The following ATP5PF variants were observed in gnomAD, a reference collection of about 807,000 sequenced individuals.
ATP5PF encodes the protein ATP synthase peripheral stalk subunit F6, mitochondrial.
ATP5PF carries 7 observed loss-of-function variants against 12.0 expected under a neutral mutation model. The observed-to-expected ratio is 0.58, with a 90% CI of 0.33 to 1.10. The LOEUF (loss-of-function observed/expected upper bound fraction) is 1.10, where lower values mean the gene tolerates loss of function less well. ATP5PF is among the 50% of genes least tolerant of loss of function. The pLI is 0.03. For synonymous variants in ATP5PF, 41 were observed against 45.4 expected (o/e 0.90, Z 0.39); for missense variants, 120 against 127.7 (o/e 0.94, Z 0.29).
At chr21:25,728,611 T>A (rs2034677716) in intron 2 of ATP5PF, among the ~76,000 whole-genome samples, 1 of 152,196 alleles carries the variant, frequency 6.6e-6, no homozygotes, top group African/African-American at 2.4e-5. Context: ...AACTGTTTCA[T>A]GCTATAAGGA....
At chr21:25,733,921 C>T (rs2123462321) in intron 1 of ATP5PF, among the ~76,000 whole-genome samples, 1 of 152,280 alleles carries the variant, frequency 6.6e-6, no homozygotes, top group South Asian at 2.1e-4. Flanking sequence ...CATGTAAGTG[C>T]CTATGATTCC....
chr21:25,732,937 G>T (rs60361835), intron 1 of ATP5PF, among the ~76,000 whole-genome samples: 21 of 127,974 alleles, frequency 1.6e-4, no homozygotes, highest in African/African-American at 6.5e-4. Context: ...AGCCGAGATC[G>T]CGCCACTGCA....
intron 2 of ATP5PF, among the ~76,000 whole-genome samples, chr21:25,727,132 G>A (rs1233620863): frequency 1.3e-5 from 2 of 152,168 alleles, no homozygotes; most frequent in Non-Finnish European, 2.9e-5. Flanking sequence ...ACACTTAATT[G>A]TAATTAGAAT....
At chr21:25,734,727 G>T in intron 1 of ATP5PF, 126 bp downstream of exon 1, 1 of 978,010 alleles carries the variant, frequency 1.0e-6, no homozygotes, top group Non-Finnish European at 1.5e-6. Flanking sequence ...GCCAGGCCGT[G>T]AAGGTCCCCA....
intron 1 of ATP5PF, among the ~76,000 whole-genome samples, chr21:25,732,271 C>T (rs1427623435): frequency 6.6e-6 from 1 of 152,198 alleles, no homozygotes; most frequent in East Asian, 1.9e-4. Flanking sequence ...ACAGCCCTCC[C>T]ACCCCTAAGA....
intron 2 of ATP5PF, among the ~76,000 whole-genome samples, chr21:25,727,361 T>C (rs996274074): frequency 1.3e-5 from 2 of 152,226 alleles, no homozygotes; most frequent in African/African-American, 2.4e-5. Flanking sequence ...GGCTCTCACA[T>C]GATGCCTAGG....
In ATP5PF at chr21:25,729,775, A is replaced by C; in HGVS notation, c.20T>G (p.Phe7Cys). The C allele has an allele frequency of 6.2e-7, 1 of 1,613,864 alleles. No homozygotes were observed. The highest frequency in any genetic ancestry group is 2.2e-5 in the East Asian group (1 of 44,886). ...TGACCGAATGACAGAGGAGAACCTG[A>C]AGAGCCTCTGAAGAATCATGCTGAT... Reference protein sequence around the residue: MILQRLFRFSSVIRSAV... With the variant: MILQRLCRFSSVIRSAV... Residue 7 changes from phenylalanine to cysteine, a missense_variant, in exon 2 of 4, where the codon TTC (phenylalanine) becomes TGC (cysteine). Coordinates refer to ENST00000284971, the MANE Select transcript of ATP5PF (RefSeq NM_001003703.2).
At chr21:25,726,866 G>A (rs984215183) in intron 2 of ATP5PF, among the ~76,000 whole-genome samples, 1 of 152,162 alleles carries the variant, frequency 6.6e-6, no homozygotes, top group African/African-American at 2.4e-5. Context: ...TATGATCAAA[G>A]TATACAGTCT....
chr21:25,727,004 T>C (rs1475700604), intron 2 of ATP5PF, among the ~76,000 whole-genome samples: 1 of 152,264 alleles, frequency 6.6e-6, no homozygotes, highest in African/African-American at 2.4e-5. Context: ...CTTTTTGTGA[T>C]GTTAGAAACG....
chr21:25,730,767 A>AAAAAAAAAAAAAAAT, intron 1 of ATP5PF, among the ~76,000 whole-genome samples: 1 of 138,046 alleles, frequency 7.2e-6, no homozygotes, highest in Non-Finnish European at 1.5e-5. Context: ...AAAAAAAAAA[A>AAAAAAAAAAAAAAAT]AAAAAAAAGA....
rs1187267714 is a variant in ATP5PF, at chr21:25,734,888, G to GCCA, written c.-46_-44dup. The GCCA allele has an allele frequency of 7.1e-6, 11 of 1,554,132 alleles. No homozygotes were observed. The Admixed American group carries it at 7.7e-5, about 11-fold the overall frequency. ...GTCCCGAGCTGCCAAAGCCTCCGCC[G>GCCA]CCACCACCTCCGCTCTACTTCCGGC... On this transcript the variant is annotated 5_prime_UTR_variant, in exon 1 of 4. Transcript: ENST00000284971.
In ATP5PF at chr21:25,734,835, A is replaced by G. The variant is rs2034958509; in HGVS notation, c.-8+18T>C. On this transcript the variant is annotated intron_variant, in intron 1 of 3. Transcript: ENST00000284971. Reference sequence around the variant, plus strand: ...GAGTCCCAAAAGGCCACGCTGATCTAGCTACCCTCCCAGTCACCTTGCACT... The same window carrying G: ...GAGTCCCAAAAGGCCACGCTGATCTGGCTACCCTCCCAGTCACCTTGCACT... 7 of 1,533,646 alleles carry G rather than the reference A, an allele frequency of 4.6e-6. No homozygotes were observed. The highest frequency in any genetic ancestry group is 1.4e-5 in the African/African-American group (1 of 73,060).
In ATP5PF at chr21:25,729,820, A is replaced by C; in HGVS notation, c.-7-19T>G. The C allele has an allele frequency of 6.2e-7, 1 of 1,607,660 alleles. No homozygotes were observed. Among genetic ancestry groups the C allele is most frequent in the Non-Finnish European group, 8.5e-7 (1 of 1,178,074 alleles). ...GCTGATTCTGTTACAGAAAACAAGC[A>C]GCAGAAACGTTAATATACTTATTAT... is the stretch of plus-strand genomic sequence containing the variant. On this transcript the variant is annotated intron_variant, in intron 1 of 3. Transcript: ENST00000284971.
rs545638169 is a variant in ATP5PF, at chr21:25,734,886, C to A, written c.-41G>T. ...CAGTCCCGAGCTGCCAAAGCCTCCG[C>A]CGCCACCACCTCCGCTCTACTTCCG... On this transcript the variant is annotated 5_prime_UTR_variant, in exon 1 of 4. Transcript: ENST00000284971. 2.0e-5 allele frequency: 31 copies of A among 1,552,646 alleles called. No homozygotes were observed. Among genetic ancestry groups the A allele is most frequent in the Non-Finnish European group, 2.4e-5 (28 of 1,151,930 alleles).
At chr21:25,727,128 A>T (rs8128360) in intron 2 of ATP5PF, among the ~76,000 whole-genome samples, 5,046 of 152,290 alleles carry the variant, frequency 0.033, 258 homozygotes, top group African/African-American at 0.11. Flanking sequence ...AAATACACTT[A>T]ATTGTAATTA....
chr21:25,728,749 T>C (rs2034680794), intron 2 of ATP5PF, among the ~76,000 whole-genome samples: 1 of 152,198 alleles, frequency 6.6e-6, no homozygotes, highest in Non-Finnish European at 1.5e-5. Context: ...AAAATGCCTC[T>C]AGCTGGAAAG....
upstream of ATP5PF, chr21:25,734,977 G>C: frequency 6.4e-7 from 1 of 1,562,652 alleles, no homozygotes; most frequent in Middle Eastern, 1.7e-4. Context: ...GTTTCAGTCG[G>C]TCGACGCTCA....
upstream of ATP5PF, chr21:25,735,366 T>C: frequency 4.7e-6 from 1 of 214,750 alleles, no homozygotes; most frequent in Non-Finnish European, 9.6e-6. Flanking sequence ...CTGCCGGGAG[T>C]TGTAGTCCTG....
chr21:25,730,736 C>CACACAAAAAAAA (rs1219090743), intron 1 of ATP5PF, among the ~76,000 whole-genome samples: 2 of 31,880 alleles, frequency 6.3e-5, no homozygotes, highest in East Asian at 6.7e-4. Context: ...CTCCGTCTCA[C>CACACAAAAAAAA]AAAAAAAAAA....
Sources: allele counts gnomAD v4.1 joint callset (sites outside exome capture counted in the v4.1 genomes callset), GRCh38; gene constraint gnomAD v4.1.1; transcripts MANE v1.5; gene names NCBI Gene and HGNC (gene_info 2026-07-23, HGNC 2026-07-21).